The following TG variants were observed in gnomAD, a reference collection of about 807,000 sequenced individuals.
TG encodes the protein thyroglobulin.
In TG, 270 loss-of-function variants were observed where a neutral mutation model predicts 324.7. That is an observed-to-expected ratio of 0.83 (90% CI 0.75 to 0.92). The LOEUF is 0.92. Ranked by LOEUF, TG falls within the 40% of genes least tolerant of loss-of-function variation. The pLI is 0.00. For synonymous variants in TG, 1,401 were observed against 1,327.0 expected (o/e 1.06, Z -1.21); for missense variants, 3,591 against 3,456.4 (o/e 1.04, Z -0.98).
At chr8:133,049,772 G>A in intron 41 of TG, 1 of 700,752 alleles carries the variant, frequency 1.4e-6, no homozygotes. Flanking sequence ...TGACTGGGTT[G>A]GGAGCAGGAC....
intron 38 of TG, among the ~76,000 whole-genome samples, chr8:133,018,224 G>A (rs995987048): frequency 6.7e-6 from 1 of 150,320 alleles, no homozygotes; most frequent in African/African-American, 2.4e-5. Context: ...TGATGGAGGG[G>A]CCTGTATGCT....
At chr8:132,952,024 G>A (rs1222667165) in intron 27 of TG, among the ~76,000 whole-genome samples, 1 of 152,206 alleles carries the variant, frequency 6.6e-6, no homozygotes, top group African/African-American at 2.4e-5. Context: ...CACTAAACTT[G>A]ACTGGGGACT....
Position 132,901,469 on chromosome 8 carries a change from G to C in TG, c.3550G>C (p.Ala1184Pro). 1 of 1,614,194 alleles carries C rather than the reference G, an allele frequency of 6.2e-7. No individual in the cohort carries two copies. The highest frequency in any genetic ancestry group is 8.5e-7 in the Non-Finnish European group (1 of 1,180,046). ...CTTTTCCCCAGTGCAATGTGACCAG[G>C]CCCAGGGCAGCTGCTGGTGTGTCAT... Reference protein sequence around the residue: ...GGFSPVQCDQAQGSCWCVMDS... With the variant: ...GGFSPVQCDQPQGSCWCVMDS... Residue 1184 changes from alanine to proline, a missense_variant, in exon 16 of 48, where the codon GCC becomes CCC. Coordinates refer to ENST00000220616, the MANE Select transcript of TG (RefSeq NM_003235.5).
At chr8:133,075,394 C>G (rs1471629670) in intron 41 of TG, among the ~76,000 whole-genome samples, 1 of 152,110 alleles carries the variant, frequency 6.6e-6, no homozygotes, top group Non-Finnish European at 1.5e-5. Flanking sequence ...CAGAGCAATG[C>G]TTTGAGATTA....
At chr8:133,036,081 G>A (rs1837090189) in intron 41 of TG, among the ~76,000 whole-genome samples, 2 of 152,162 alleles carry the variant, frequency 1.3e-5, no homozygotes, top group Admixed American at 6.5e-5. Context: ...CCTGCCTGCA[G>A]GAATTGCCCC....
chr8:133,121,954 A>G (rs2131805625), intron 45 of TG, among the ~76,000 whole-genome samples: 1 of 152,302 alleles, frequency 6.6e-6, no homozygotes, highest in South Asian at 2.1e-4. Context: ...CCAAAAAGAC[A>G]TCTCTCTTTC....
Position 132,897,631 on chromosome 8 carries a change from C to T in TG, c.3002-18C>T, listed in dbSNP as rs766190290. 1.2e-6 allele frequency: 2 copies of T among 1,614,110 alleles called. No individual in the cohort carries two copies. The highest frequency in any genetic ancestry group is 2.2e-5 in the South Asian group (2 of 91,084). On this transcript the variant is annotated intron_variant, in intron 11 of 47. Coordinates refer to ENST00000220616, the MANE Select transcript of TG (RefSeq NM_003235.5). ...GAGCAGGTGGTCATATTCTGCTTTT[C>T]TCCTTCCCTGACTCCAGCCTTAAGC...
intron 44 of TG, among the ~76,000 whole-genome samples, chr8:133,116,237 C>T (rs150271761): frequency 7.4e-4 from 112 of 152,350 alleles, no homozygotes; most frequent in Non-Finnish European, 1.4e-3. Flanking sequence ...TTGTATTTAA[C>T]TCCACTGTAT....
intron 13 of TG, among the ~76,000 whole-genome samples, 181 bp downstream of exon 13, chr8:132,898,427 C>A (rs1817437901): frequency 6.6e-6 from 1 of 152,186 alleles, no homozygotes; most frequent in African/African-American, 2.4e-5. Context: ...CTTGGCACTT[C>A]CTAGTTGGAA....
chr8:133,046,937 T>A (rs947178822), intron 41 of TG, among the ~76,000 whole-genome samples: 3 of 152,232 alleles, frequency 2.0e-5, no homozygotes. Flanking sequence ...TAGTGTGTTT[T>A]CTCTTCTTTG....
intron 35 of TG, among the ~76,000 whole-genome samples, chr8:132,987,761 A>G (rs1181231417): frequency 6.6e-6 from 1 of 151,624 alleles, no homozygotes; most frequent in Non-Finnish European, 1.5e-5. Context: ...TAAGCCACCC[A>G]TTCAAAGTCT....
At chr8:133,025,805 T>A (rs978729540) in intron 40 of TG, among the ~76,000 whole-genome samples, 2 of 152,216 alleles carry the variant, frequency 1.3e-5, no homozygotes, top group South Asian at 2.1e-4. Context: ...TTACTTTGCA[T>A]GCCAGCCTCA....
chr8:132,875,183 A>G (rs115043360), intron 5 of TG, among the ~76,000 whole-genome samples: 3,079 of 152,204 alleles, frequency 0.02, 110 homozygotes, highest in African/African-American at 0.071. Flanking sequence ...TCTGTAGGTA[A>G]TTCTCATGCA....
chr8:132,941,709 A>G (rs866412652), intron 26 of TG, among the ~76,000 whole-genome samples, 167 bp downstream of exon 26: 2 of 152,228 alleles, frequency 1.3e-5, no homozygotes, highest in Non-Finnish European at 2.9e-5. Flanking sequence ...ACTCACATTC[A>G]CATTCCACAT....
At chr8:133,094,170 C>T (rs769638231) in intron 41 of TG, among the ~76,000 whole-genome samples, 9 of 152,066 alleles carry the variant, frequency 5.9e-5, no homozygotes, top group East Asian at 1.9e-4. Flanking sequence ...ACCAAAAGTC[C>T]GGGCAGAGAT....
At chr8:132,930,640 G>A (rs1398994906) in intron 23 of TG, among the ~76,000 whole-genome samples, 6 of 150,800 alleles carry the variant, frequency 4.0e-5, no homozygotes, top group African/African-American at 1.5e-4. Flanking sequence ...AGCCGAGATC[G>A]CTCCATTGCA....
At chr8:132,955,197 C>CA (rs1363178819) in intron 27 of TG, among the ~76,000 whole-genome samples, 4 of 152,254 alleles carry the variant, frequency 2.6e-5, no homozygotes, top group African/African-American at 9.6e-5. Flanking sequence ...TCTTTCCCCC[C>CA]ACAAGTCACT....
At chr8:132,994,437 G>A (rs2130787846) in intron 35 of TG, among the ~76,000 whole-genome samples, 1 of 152,234 alleles carries the variant, frequency 6.6e-6, no homozygotes, top group Non-Finnish European at 1.5e-5. Context: ...CCTGTCCTGG[G>A]GCTCCTCAGG....
At chr8:132,888,752 G>A (rs1187190779) in intron 10 of TG, among the ~76,000 whole-genome samples, 184 bp downstream of exon 10, 1 of 152,198 alleles carries the variant, frequency 6.6e-6, no homozygotes, top group Non-Finnish European at 1.5e-5. Flanking sequence ...TATCAACACA[G>A]TCAGGTGTTG....
Sources: gnomAD v4.1 joint callset for allele counts (sites outside exome capture counted in the v4.1 genomes callset) on GRCh38, gnomAD v4.1.1 for gene constraint, MANE v1.5 for transcripts, NCBI Gene and HGNC (gene_info 2026-07-23, HGNC 2026-07-21) for gene names.